The following AGPAT4 variants were observed in gnomAD, a reference collection of about 807,000 sequenced individuals.
AGPAT4 encodes the protein 1-acyl-sn-glycerol-3-phosphate acyltransferase delta.
Under a neutral mutation model 48.0 loss-of-function variants are expected in AGPAT4, and 15 were observed. That is an observed-to-expected ratio of 0.31 (90% CI 0.21 to 0.48). The LOEUF (loss-of-function observed/expected upper bound fraction) is 0.48. Among genes scored for constraint, AGPAT4 ranks in the 20% least tolerant of loss-of-function variants. The pLI, the probability that AGPAT4 is intolerant of heterozygous loss-of-function variation, is 0.99. For synonymous variants in AGPAT4, 178 were observed against 198.7 expected, an observed-to-expected ratio of 0.90 and a Z score of 0.88; for missense variants, 314 against 482.5, an observed-to-expected ratio of 0.65 and a Z score of 3.27.
chr6:161,253,250 A>T (rs945215476), intron 1 of AGPAT4, among the ~76,000 whole-genome samples: 4 of 146,114 alleles, frequency 2.7e-5, no homozygotes, highest in South Asian at 2.2e-4. Flanking sequence ...ATATGATCCA[A>T]CTTTTTTTAA....
chr6:161,152,394 C>A (rs1779617170), intron 5 of AGPAT4, among the ~76,000 whole-genome samples: 2 of 152,132 alleles, frequency 1.3e-5, no homozygotes, highest in African/African-American at 4.8e-5. Context: ...GGGTGTTAAA[C>A]AGGCAGCAGA....
intron 1 of AGPAT4, among the ~76,000 whole-genome samples, chr6:161,265,766 G>A (rs895013912): frequency 3.9e-5 from 6 of 152,130 alleles, no homozygotes; most frequent in African/African-American, 9.7e-5. Context: ...TCAGGCCACC[G>A]AGCCTGGCCC....
Position 161,238,343 on chromosome 6 carries a change from A to G in AGPAT4, c.-89-6041T>C, listed in dbSNP as rs879419341. ...GCCTGGAACGGGGAAAACCCCAAGTAATGGGGGATTTTTCTATCATTTGCA... is the reference window on the plus strand; with the variant it reads ...GCCTGGAACGGGGAAAACCCCAAGTGATGGGGGATTTTTCTATCATTTGCA... On this transcript the variant is annotated intron_variant, in intron 1 of 8. Coordinates refer to ENST00000320285, the MANE Select transcript of AGPAT4 (RefSeq NM_020133.3). The surrounding 1 kb of genome is among the most constrained non-coding windows in gnomAD (Gnocchi z 5.2). 1.3e-5 allele frequency among the ~76,000 whole-genome samples: 2 copies of G among 152,198 alleles called. No individual in the cohort carries two copies. The highest frequency in any genetic ancestry group is 2.9e-5 in the Non-Finnish European group (2 of 68,030).
At chr6:161,186,568 GTCTC>G (rs1262759222) in intron 2 of AGPAT4, among the ~76,000 whole-genome samples, 1 of 151,940 alleles carries the variant, frequency 6.6e-6, no homozygotes, top group Non-Finnish European at 1.5e-5. Context: ...CTTCTACCCA[GTCTC>G]TCTGCCTCCA....
Position 161,200,866 on chromosome 6 carries a change from T to G in AGPAT4, c.178+31170A>C, listed in dbSNP as rs965984885. On this transcript the variant is annotated intron_variant, in intron 2 of 8. Coordinates refer to ENST00000320285, the MANE Select transcript of AGPAT4 (RefSeq NM_020133.3). This position sits in a 1 kb window ranked among gnomAD's most constrained non-coding sequence, Gnocchi z 5.5. ...TCCAAACTCATAAACACAGATACCCTCTATTGCCTCATTTTAGAATGGCAG... is the reference window on the plus strand; with the variant it reads ...TCCAAACTCATAAACACAGATACCCGCTATTGCCTCATTTTAGAATGGCAG... Among the ~76,000 whole-genome samples the G allele has an allele frequency of 6.6e-6, 1 of 152,160 alleles. No individual in the cohort carries two copies. Among genetic ancestry groups the G allele is most frequent in the African/African-American group, 2.4e-5 (1 of 41,420 alleles).
rs1281013343 is a variant in AGPAT4, at chr6:161,261,155, T to C, written c.-90+12783A>G. Among the ~76,000 whole-genome samples the C allele has an allele frequency of 6.6e-6, 1 of 152,102 alleles. No individual in the cohort carries two copies. The highest frequency in any genetic ancestry group is 1.5e-5 in the Non-Finnish European group (1 of 68,018). On this transcript the variant is annotated intron_variant, in intron 1 of 8. Transcript: ENST00000320285. This position sits in a 1 kb window ranked among gnomAD's most constrained non-coding sequence, Gnocchi z 5.3. ...CCAACCCCTGCTTAAGCCAGCTCCT[T>C]CTCCTCCCTGCCTCCCGCTGAACAG...
At position 161,264,039 on chromosome 6, in the gene AGPAT4, C is replaced by T. The variant is rs545852315; in HGVS notation, c.-90+9899G>A. On this transcript the variant is annotated intron_variant, in intron 1 of 8. Transcript: ENST00000320285. This position sits in a 1 kb window ranked among gnomAD's most constrained non-coding sequence, Gnocchi z 6.8. ...GGCAACCCACAGGGCTGGGGGCAAG[C>T]TGAAATGAGGTGTTATACAAAGCAG... Among the ~76,000 whole-genome samples, 5 of 152,134 alleles carry T rather than the reference C, an allele frequency of 3.3e-5. No homozygotes were observed. The highest frequency in any genetic ancestry group is 1.2e-4 in the African/African-American group (5 of 41,496).
rs1375144242 is a variant in AGPAT4 at position 161,219,872 on chromosome 6, T to TAGATAGATAGAG, written c.178+12163_178+12164insCTCTATCTATCT. Among the ~76,000 whole-genome samples, 5 of 121,164 alleles carry TAGATAGATAGAG rather than the reference T, an allele frequency of 4.1e-5. No individual in the cohort carries two copies. The highest frequency in any genetic ancestry group is 9.3e-5 in the Non-Finnish European group (5 of 53,804). 79.5% of individuals were successfully genotyped at this position (121,164 alleles called of 152,430 possible). ...ATAGATAGATAGATAGATAGATAGA[T>TAGATAGATAGAG]AGGCAGGCAGGCAGGCAGGCAGGCA... is the stretch of plus-strand genomic sequence containing the variant. On this transcript the variant is annotated intron_variant, in intron 2 of 8. Transcript: ENST00000320285. The surrounding 1 kb of genome is among the most constrained non-coding windows in gnomAD (Gnocchi z 4.9).
chr6:161,260,082 GT>G (rs1386907443), intron 1 of AGPAT4, among the ~76,000 whole-genome samples: 1 of 152,168 alleles, frequency 6.6e-6, no homozygotes, highest in African/African-American at 2.4e-5. Flanking sequence ...CAAAAGCACA[GT>G]GGGATCCAGC....
At position 161,223,180 on chromosome 6, in the gene AGPAT4, C is replaced by A. The variant is rs79861470; in HGVS notation, c.178+8856G>T. Reference sequence around the variant, plus strand: ...GTCCCTACCAAGGACAGCAGCTGCACCCCTCTCATCTCTGTTCTCCAGGTG... The same window carrying A: ...GTCCCTACCAAGGACAGCAGCTGCAACCCTCTCATCTCTGTTCTCCAGGTG... On this transcript the variant is annotated intron_variant, in intron 2 of 8. Coordinates refer to ENST00000320285, the MANE Select transcript of AGPAT4 (RefSeq NM_020133.3). The surrounding 1 kb of genome is among the most constrained non-coding windows in gnomAD (Gnocchi z 6.3). Among the ~76,000 whole-genome samples the A allele has an allele frequency of 4.9e-3, 749 of 152,282 alleles. 14 individuals are homozygous for A. The highest frequency in any genetic ancestry group is 0.035 in the East Asian group (183 of 5,162).
chr6:161,159,083 A>C lies in AGPAT4; in HGVS notation c.349-4773T>G, dbSNP rs1252859627. 6.6e-6 allele frequency among the ~76,000 whole-genome samples: 1 copy of C among 152,234 alleles called. No individual in the cohort carries two copies. The highest frequency in any genetic ancestry group is 1.5e-5 in the Non-Finnish European group (1 of 68,040). On this transcript the variant is annotated intron_variant, in intron 3 of 8. Coordinates refer to ENST00000320285, the MANE Select transcript of AGPAT4 (RefSeq NM_020133.3). This position sits in a 1 kb window ranked among gnomAD's most constrained non-coding sequence, Gnocchi z 4.1. ...TGTTCCTTAACAATAAAGCAGGCTA[A>C]ACAGCCTGCCTTTGAGTCCTTTGAC... is the stretch of plus-strand genomic sequence containing the variant.
At chr6:161,209,387 A>G (rs1167133394) in intron 2 of AGPAT4, among the ~76,000 whole-genome samples, 1 of 152,224 alleles carries the variant, frequency 6.6e-6, no homozygotes, top group Non-Finnish European at 1.5e-5. Flanking sequence ...AAGCCTTGCC[A>G]AGCTGCTAGA....
intron 1 of AGPAT4, among the ~76,000 whole-genome samples, chr6:161,256,507 T>C (rs895629450): frequency 1.2e-4 from 18 of 152,352 alleles, no homozygotes; most frequent in African/African-American, 3.8e-4. Context: ...ACACATTTGC[T>C]GTGTTCACAT....
rs552476908 is a variant in AGPAT4, at chr6:161,238,327, G to A, written c.-89-6025C>T. Reference sequence around the variant, plus strand: ...AAACACTTGCCAGGATGCCTGGAACGGGGAAAACCCCAAGTAATGGGGGAT... The same window carrying A: ...AAACACTTGCCAGGATGCCTGGAACAGGGAAAACCCCAAGTAATGGGGGAT... On this transcript the variant is annotated intron_variant, in intron 1 of 8. Transcript: ENST00000320285. The surrounding 1 kb of genome is among the most constrained non-coding windows in gnomAD (Gnocchi z 5.2). Among the ~76,000 whole-genome samples, 5 of 152,288 alleles carry A rather than the reference G, an allele frequency of 3.3e-5. 1 individual carries two copies. The highest frequency in any genetic ancestry group is 3.9e-4 in the East Asian group (2 of 5,184).
At position 161,146,741 on chromosome 6, in the gene AGPAT4, A is replaced by G. The variant is rs1261845128; in HGVS notation, c.768-142T>C. The G allele has an allele frequency of 1.3e-6, 1 of 741,690 alleles. No individual in the cohort carries two copies. Among genetic ancestry groups the G allele is most frequent in the East Asian group, 2.6e-5 (1 of 37,944 alleles). 45.9% of individuals were successfully genotyped at this position (741,690 alleles called of 1,614,324 possible). On this transcript the variant is annotated intron_variant, in intron 6 of 8. Coordinates refer to ENST00000320285, the MANE Select transcript of AGPAT4 (RefSeq NM_020133.3). The surrounding 1 kb of genome is among the most constrained non-coding windows in gnomAD (Gnocchi z 7.1). Reference sequence around the variant, plus strand: ...CTGAAGAGAGTAATGCAAGTGATAGAAAGAAGGGGCGTTCCACATCCACAC... The same window carrying G: ...CTGAAGAGAGTAATGCAAGTGATAGGAAGAAGGGGCGTTCCACATCCACAC...
rs774949500 is a variant in AGPAT4, at chr6:161,243,934, T to C, written c.-89-11632A>G. The stretch of plus-strand genomic sequence containing the variant: ...TTTTAATGAAATGATTATGTCCTTA[T>C]TCCCAGCCCAGAGGAAGGCAGTTCA... On this transcript the variant is annotated intron_variant, in intron 1 of 8. Coordinates refer to ENST00000320285, the MANE Select transcript of AGPAT4 (RefSeq NM_020133.3). This position sits in a 1 kb window ranked among gnomAD's most constrained non-coding sequence, Gnocchi z 4.8. Among the ~76,000 whole-genome samples, 1 of 152,236 alleles carries C rather than the reference T, an allele frequency of 6.6e-6. No individual in the cohort carries two copies. Among genetic ancestry groups the C allele is most frequent in the Non-Finnish European group, 1.5e-5 (1 of 68,036 alleles).
chr6:161,203,084 C>T (rs1030224401), intron 2 of AGPAT4, among the ~76,000 whole-genome samples: 1 of 152,206 alleles, frequency 6.6e-6, no homozygotes, highest in African/African-American at 2.4e-5. Context: ...CCCAACGAAT[C>T]CATGGGCACA....
rs1454374642 is a variant in AGPAT4 at position 161,153,391 on chromosome 6, G to A, written c.619C>T (p.Arg207Ter). The change falls in exon 5 of 9, where the codon CGA (arginine) becomes TGA (stop). Residue 207 changes from arginine (R) to a stop codon, truncating the protein, a stop_gained. Transcript: ENST00000320285. LOFTEE classifies it high-confidence loss of function. ...LPRLKHHLLP[R>*]TKGFAITVRS... ...ACGGTGATGGCGAAGCCCTTGGTTC[G>A]TGGCAACAGGTGATGCTTGAGGCGA... 1.9e-6 allele frequency: 3 copies of A among 1,610,908 alleles called. No individual in the cohort carries two copies. Among genetic ancestry groups the A allele is most frequent in the Non-Finnish European group, 1.7e-6 (2 of 1,178,590 alleles).
chr6:161,258,798 ATT>A (rs11393554), intron 1 of AGPAT4, among the ~76,000 whole-genome samples: 6 of 144,242 alleles, frequency 4.2e-5, no homozygotes, highest in Admixed American at 6.9e-5. Flanking sequence ...CAAGCATTTA[ATT>A]TTTTTTTTTT....
Sources: gnomAD v4.1 joint callset for allele counts (sites outside exome capture counted in the v4.1 genomes callset) on GRCh38, gnomAD v4.1.1 for gene constraint, Gnocchi (gnomAD v3.1) non-coding constraint, MANE v1.5 for transcripts, NCBI Gene and HGNC (gene_info 2026-07-23, HGNC 2026-07-21) for gene names.